DIABLO: variants seen among roughly 807,000 people sequenced by gnomAD.
DIABLO encodes diablo IAP-binding mitochondrial protein.
A neutral mutation model predicts 31.7 loss-of-function variants in DIABLO; 32 were observed. That is an observed-to-expected ratio of 1.01 (90% CI 0.76 to 1.35). DIABLO has a LOEUF of 1.35. DIABLO is among the 40% of genes most tolerant of loss of function. The pLI, the probability that DIABLO is intolerant of heterozygous loss-of-function variation, is 0.00. For synonymous variants in DIABLO, 132 were observed against 103.2 expected (o/e 1.28, Z -1.69); for missense variants, 316 against 286.4 (o/e 1.10, Z -0.75).
chr12:122,226,453 TG>T (rs1465378924), upstream of DIABLO: 1 of 694,466 alleles, frequency 1.4e-6, no homozygotes, highest in Non-Finnish European at 2.6e-6. Context: ...AGGAAGTAAG[TG>T]GTCCAGCCGG....
intron 1 of DIABLO, chr12:122,225,359 C>A: frequency 2.0e-6 from 2 of 981,106 alleles, no homozygotes; most frequent in Non-Finnish European, 1.2e-6. Context: ...TGCACTCCAG[C>A]CTGGGCGACA....
chr12:122,225,681 C>G (rs1954446713), intron 1 of DIABLO: 3 of 1,384,472 alleles, frequency 2.2e-6, no homozygotes, highest in Admixed American at 6.0e-5. Context: ...CTTCGAGTGG[C>G]TGACGAGGGC....
At chr12:122,218,575 G>GAAAT in intron 2 of DIABLO, 178 bp from the exon 3 acceptor site, 1 of 708,394 alleles carries the variant, frequency 1.4e-6, no homozygotes. Flanking sequence ...ACAATATAGA[G>GAAAT]AAATAATTCC....
rs1365705749 is a variant in DIABLO, at chr12:122,216,509, C to T, written c.502G>A (p.Ala168Thr). The change falls in exon 5 of 6, where the codon GCA becomes ACA. Residue 168 changes from alanine (A) to threonine (T), a missense_variant. Physicochemically the swap from Ala to Thr is moderately conservative, Grantham distance 58 (BLOSUM62 0). Transcript: ENST00000464942. ...MTAVGLSEMAAEAAYQTGADQ... is the reference protein window; with the variant it reads ...MTAVGLSEMATEAAYQTGADQ... The stretch of plus-strand genomic sequence containing the variant: ...CTACCAGTTTGATATGCAGCTTCTG[C>T]TGCCATCTCTGAAAGACCAACTGCA... 1.2e-6 allele frequency: 2 copies of T among 1,614,052 alleles called. No individual in the cohort carries two copies. Among genetic ancestry groups the T allele is most frequent in the East Asian group, 4.5e-5 (2 of 44,868 alleles).
At chr12:122,224,742 C>T in intron 1 of DIABLO, 98 bp from the exon 2 acceptor site, 1 of 1,610,482 alleles carries the variant, frequency 6.2e-7, no homozygotes, top group Non-Finnish European at 8.5e-7. Context: ...TCGAGCCAAG[C>T]AGGAACCTAA....
chr12:122,224,636 T>A lies in DIABLO; in HGVS notation c.59A>T (p.Gln20Leu), dbSNP rs201330335. Residue 20 changes from glutamine (Q) to leucine (L), a missense_variant, in exon 2 of 6, where the codon CAG becomes CTG. Physicochemically the swap from Gln to Leu is moderately radical, Grantham distance 113. Transcript: ENST00000464942. ...RSVTSFFRYR[Q>L]CLCVPVVANF... The stretch of plus-strand genomic sequence containing the variant: ...AGCCACAACAGGAACACACAAACAC[T>A]GTCTGTACCTGGAAGTAGAAGTCAG... The A allele has an allele frequency of 6.2e-7, 1 of 1,614,134 alleles. No individual in the cohort carries two copies. Among genetic ancestry groups the A allele is most frequent in the East Asian group, 2.2e-5 (1 of 44,890 alleles).
In DIABLO at chr12:122,208,428, C is replaced by G; in HGVS notation, c.673G>C (p.Glu225Gln). ...ELRQKTQEEG[E>Q]ERAESEQEAY... is the part of the protein sequence containing the mutation. Reference sequence around the variant, plus strand: ...TCCTGCTCCGACTCAGCCCGCTCCTCCCCTTCCTCCTGTGTTTTCTGACGG... The same window carrying G: ...TCCTGCTCCGACTCAGCCCGCTCCTGCCCTTCCTCCTGTGTTTTCTGACGG... Residue 225 changes from glutamate to glutamine, a missense_variant, in exon 6 of 6, where the codon GAG (glutamate) becomes CAG (glutamine). By Grantham distance (29) the Glu-to-Gln change is conservative (BLOSUM62 2). Coordinates refer to ENST00000464942, the MANE Select transcript of DIABLO (RefSeq NM_001371333.1). 6.2e-7 allele frequency: 1 copy of G among 1,613,860 alleles called. No individual in the cohort carries two copies. The highest frequency in any genetic ancestry group is 8.5e-7 in the Non-Finnish European group (1 of 1,180,036).
chr12:122,227,287 A>C, upstream of DIABLO: 1 of 431,318 alleles, frequency 2.3e-6, no homozygotes, highest in East Asian at 7.1e-5. Flanking sequence ...CAACACCTCC[A>C]ATGCTGCTTT....
intron 2 of DIABLO, among the ~76,000 whole-genome samples, 197 bp downstream of exon 2, chr12:122,224,315 G>A (rs1360472959): frequency 6.6e-6 from 1 of 151,966 alleles, no homozygotes; most frequent in Non-Finnish European, 1.5e-5. Flanking sequence ...ACAATTTGAT[G>A]TGCTGTTCCT....
At chr12:122,222,947 G>A (rs1954367075) in intron 2 of DIABLO, among the ~76,000 whole-genome samples, 1 of 151,848 alleles carries the variant, frequency 6.6e-6, no homozygotes, top group Admixed American at 6.6e-5. Flanking sequence ...CTAATCTAGA[G>A]AATACACCCG....
chr12:122,210,746 T>A (rs1954068334), intron 5 of DIABLO, among the ~76,000 whole-genome samples: 1 of 152,074 alleles, frequency 6.6e-6, no homozygotes, highest in Non-Finnish European at 1.5e-5. Context: ...ATTTACTGTG[T>A]GTCTTAGAAG....
chr12:122,221,311 T>G (rs553408279), intron 2 of DIABLO: 5 of 152,182 alleles, frequency 3.3e-5, no homozygotes, highest in African/African-American at 9.7e-5. Flanking sequence ...TTGCAGGGGA[T>G]GTCCAGGGAT....
chr12:122,226,573 G>A, upstream of DIABLO: 2 of 697,542 alleles, frequency 2.9e-6, no homozygotes, highest in South Asian at 3.0e-5. Flanking sequence ...ATCGCGCTGC[G>A]CGGGAGCCCC....
chr12:122,225,227 G>GAAA lies in DIABLO; in HGVS notation c.51-586_51-584dup, dbSNP rs143195410. On this transcript the variant is annotated intron_variant, in intron 1 of 5. Coordinates refer to ENST00000464942, the MANE Select transcript of DIABLO (RefSeq NM_001371333.1). ...GACTGAGTCTCAAACAAAACAAAAA[G>GAAA]AAAAAAAAAAATTAGCCGGGCGTGG... 274 of 181,132 alleles carry GAAA rather than the reference G, an allele frequency of 1.5e-3. 2 individuals are homozygous for GAAA. The highest frequency in any genetic ancestry group is 2.5e-3 in the African/African-American group (88 of 34,988). 11.2% of individuals were successfully genotyped at this position (181,132 alleles called of 1,614,324 possible). A position where few individuals can be genotyped will look rare whatever the true frequency, so the allele number is the denominator to read the frequency against.
At chr12:122,213,615 T>TTCTAGATATTCTCC (rs1954138258) in intron 5 of DIABLO, among the ~76,000 whole-genome samples, 1 of 152,136 alleles carries the variant, frequency 6.6e-6, no homozygotes, top group African/African-American at 2.4e-5. Context: ...CCTTTTCTCC[T>TTCTAGATATTCTCC]TCTAGATATT....
Position 122,213,464 on chromosome 12 carries a change from C to T in DIABLO, c.523+3024G>A, listed in dbSNP as rs1342078295. On this transcript the variant is annotated intron_variant, in intron 5 of 5. Transcript: ENST00000464942. ...AGTAAGCAGTGAGCCATGATTGTGC[C>T]ACTGTACTCCAGCCTGGTAACAGAG... Among the ~76,000 whole-genome samples the T allele has an allele frequency of 6.1e-5, 9 of 146,380 alleles. No individual in the cohort carries two copies. The South Asian group carries it at 1.9e-3, about 32-fold the overall frequency.
At chr12:122,224,975 G>C (rs1954420288) in intron 1 of DIABLO, 2 of 526,538 alleles carry the variant, frequency 3.8e-6, no homozygotes, top group Non-Finnish European at 6.0e-6. Flanking sequence ...AGTAAATAAA[G>C]GCCGAGGCGG....
intron 1 of DIABLO, chr12:122,224,977 C>A (rs1954420446): frequency 1.9e-6 from 1 of 525,322 alleles, no homozygotes; most frequent in Non-Finnish European, 3.0e-6. Flanking sequence ...TAAATAAAGG[C>A]CGAGGCGGGT....
At chr12:122,223,370 G>A (rs1315001159) in intron 2 of DIABLO, among the ~76,000 whole-genome samples, 1 of 151,498 alleles carries the variant, frequency 6.6e-6, no homozygotes, top group Non-Finnish European at 1.5e-5. Flanking sequence ...GGAGGCGGAG[G>A]TTGCAGTGAG....
Sources: gnomAD v4.1 joint callset for allele counts (sites outside exome capture counted in the v4.1 genomes callset) on GRCh38, gnomAD v4.1.1 for gene constraint, MANE v1.5 for transcripts, NCBI Gene and HGNC (gene_info 2026-07-23, HGNC 2026-07-21) for gene names.